Variants in ST8SIA6 observed in about 807,000 individuals in gnomAD.
ST8SIA6 encodes the protein alpha-2,8-sialyltransferase 8F.
In ST8SIA6, 39 loss-of-function variants were observed where a neutral mutation model predicts 33.6. The observed-to-expected ratio is 1.16, with a 90% confidence interval of 0.90 to 1.52. ST8SIA6 has a LOEUF of 1.52. Ranked by LOEUF, ST8SIA6 falls within the 40% of genes most tolerant of loss-of-function variation. ST8SIA6 has a pLI of 0.00. For missense variants in ST8SIA6, 441 were observed against 443.8 expected (o/e 0.99, Z 0.06); for synonymous variants, 172 against 167.2 (o/e 1.03, Z -0.22).
intron 4 of ST8SIA6, 88 bp downstream of exon 4, chr10:17,359,426 C>G: frequency 9.2e-7 from 1 of 1,086,094 alleles, no homozygotes. Flanking sequence ...GGTTCTACTT[C>G]TCTTTTTAAT....
intron 2 of ST8SIA6, among the ~76,000 whole-genome samples, chr10:17,391,487 C>T (rs1258011863): frequency 6.6e-6 from 1 of 151,904 alleles, no homozygotes; most frequent in Admixed American, 6.6e-5. Context: ...TGGTCTCGAT[C>T]TCCTGACCTC....
In ST8SIA6 at chr10:17,316,440, T is replaced by TA. The variant is rs1481532171; in HGVS notation, c.*4437dup. Among the ~76,000 whole-genome samples the TA allele has an allele frequency of 6.6e-6, 1 of 152,120 alleles. No individual in the cohort carries two copies. The highest frequency in any genetic ancestry group is 6.6e-5 in the Admixed American group (1 of 15,266). ...TATCTGTGAGTCCAATTTGTCTACTTACTACCGCAAACCATAATGGAATAA... is the reference window on the plus strand; with the variant it reads ...TATCTGTGAGTCCAATTTGTCTACTTAACTACCGCAAACCATAATGGAATAA... On this transcript the variant is annotated 3_prime_UTR_variant, in exon 8 of 8. Transcript: ENST00000377602.
At chr10:17,347,977 T>TAAAAAAAAAAAAAAA (rs1554788578) in intron 4 of ST8SIA6, among the ~76,000 whole-genome samples, 2 of 124,412 alleles carry the variant, frequency 1.6e-5, no homozygotes, top group Admixed American at 8.1e-5. Flanking sequence ...AAAAAAAAAT[T>TAAAAAAAAAAAAAAA]AAAGCTGATT....
intron 3 of ST8SIA6, among the ~76,000 whole-genome samples, chr10:17,371,209 G>A (rs780811678): frequency 5.9e-5 from 9 of 152,176 alleles, no homozygotes; most frequent in Non-Finnish European, 1.2e-4. Context: ...GTGCTAAAGT[G>A]CAAAGTTGAG....
intron 2 of ST8SIA6, among the ~76,000 whole-genome samples, chr10:17,441,148 T>C (rs895197945): frequency 6.6e-5 from 10 of 152,154 alleles, no homozygotes; most frequent in Non-Finnish European, 8.8e-5. Context: ...TTATTGATTA[T>C]GCTTTTGGTG....
chr10:17,331,261 TA>T, intron 5 of ST8SIA6, 146 bp downstream of exon 5: 4 of 935,364 alleles, frequency 4.3e-6, no homozygotes, highest in Non-Finnish European at 6.0e-6. Context: ...ATGGCCCTTT[TA>T]AAAAATGGCT....
intron 2 of ST8SIA6, among the ~76,000 whole-genome samples, chr10:17,402,817 C>G (rs1200715894): frequency 2.0e-5 from 3 of 152,032 alleles, no homozygotes; most frequent in Non-Finnish European, 2.9e-5. Flanking sequence ...GGAGATATAC[C>G]TAATGTAAAT....
intron 2 of ST8SIA6, among the ~76,000 whole-genome samples, chr10:17,390,891 T>C (rs929211689): frequency 3.3e-5 from 5 of 150,032 alleles, no homozygotes; most frequent in Admixed American, 2.7e-4. Context: ...GGAGTTTCAC[T>C]CTTGTTGCCC....
At chr10:17,446,119 G>A (rs909697071) in intron 2 of ST8SIA6, among the ~76,000 whole-genome samples, 5 of 152,096 alleles carry the variant, frequency 3.3e-5, no homozygotes, top group Non-Finnish European at 5.9e-5. Context: ...GCTGTAAAAA[G>A]GGAAATCTTT....
intron 2 of ST8SIA6, among the ~76,000 whole-genome samples, chr10:17,407,389 C>A (rs1851306031): frequency 6.6e-6 from 1 of 152,162 alleles, no homozygotes; most frequent in South Asian, 2.1e-4. Context: ...AAACTCCACC[C>A]TCAGATCATG....
chr10:17,444,620 CTG>C (rs1167025148), intron 2 of ST8SIA6, among the ~76,000 whole-genome samples: 1 of 152,204 alleles, frequency 6.6e-6, no homozygotes. Flanking sequence ...AGCCCATACT[CTG>C]TAGCCCTCTA....
intron 2 of ST8SIA6, among the ~76,000 whole-genome samples, chr10:17,392,777 T>C (rs999240698): frequency 2.6e-5 from 4 of 152,178 alleles, no homozygotes; most frequent in African/African-American, 9.7e-5. Flanking sequence ...TCTCAGTTGC[T>C]TTACAAAACA....
At chr10:17,448,604 GTTGTTC>G (rs1167104706) in intron 2 of ST8SIA6, among the ~76,000 whole-genome samples, 136 of 146,510 alleles carry the variant, frequency 9.3e-4, no homozygotes, top group African/African-American at 3.3e-3. Context: ...TATTGTTGTT[GTTGTTC>G]TTGTTGTTGT....
At chr10:17,325,212 A>G (rs1357761810) in intron 6 of ST8SIA6, among the ~76,000 whole-genome samples, 1 of 142,698 alleles carries the variant, frequency 7.0e-6, no homozygotes, top group African/African-American at 2.5e-5. Flanking sequence ...AATTACATAT[A>G]ATACTGTATT....
chr10:17,338,077 C>T (rs1181792890), intron 4 of ST8SIA6, among the ~76,000 whole-genome samples: 3 of 150,024 alleles, frequency 2.0e-5, no homozygotes, highest in Admixed American at 6.6e-5. Context: ...TCTTCCCTCC[C>T]AGGCTGGAGT....
At chr10:17,382,742 G>T (rs1282420335) in intron 3 of ST8SIA6, among the ~76,000 whole-genome samples, 2 of 152,200 alleles carry the variant, frequency 1.3e-5, no homozygotes. Flanking sequence ...TACAGGGCAA[G>T]AAATTAAAGC....
At chr10:17,339,749 A>G (rs761419272) in intron 4 of ST8SIA6, among the ~76,000 whole-genome samples, 10 of 152,210 alleles carry the variant, frequency 6.6e-5, no homozygotes, top group Admixed American at 1.3e-4. Context: ...CTTAAACCCT[A>G]CAATAGCCCT....
chr10:17,417,088 A>T (rs1851629810), intron 2 of ST8SIA6, among the ~76,000 whole-genome samples: 1 of 152,116 alleles, frequency 6.6e-6, no homozygotes, highest in Admixed American at 6.5e-5. Context: ...CTGGTGAGGG[A>T]TTCAGGAAGC....
chr10:17,410,751 G>T (rs545432876), intron 2 of ST8SIA6: 27 of 152,034 alleles, frequency 1.8e-4, no homozygotes, highest in African/African-American at 6.5e-4. Flanking sequence ...CACCAGGAGG[G>T]TTTCAAACCA....
Sources: allele counts gnomAD v4.1 joint callset (sites outside exome capture counted in the v4.1 genomes callset), GRCh38; gene constraint gnomAD v4.1.1; transcripts MANE v1.5; gene names NCBI Gene and HGNC (gene_info 2026-07-23, HGNC 2026-07-21).